ZBTB7C: variants seen among roughly 807,000 people sequenced by gnomAD.
The protein encoded by ZBTB7C is zinc finger and BTB domain-containing protein 7C.
A neutral mutation model predicts 25.7 loss-of-function variants in ZBTB7C; 8 were observed. The observed-to-expected ratio is 0.31, with a 90% CI of 0.18 to 0.56. The LOEUF is 0.56. Ranked by LOEUF, ZBTB7C falls within the 20% of genes least tolerant of loss-of-function variation. The pLI, the probability that ZBTB7C is intolerant of heterozygous loss-of-function variation, is 0.91. For missense variants in ZBTB7C, 824 were observed against 855.2 expected (o/e 0.96, Z 0.46); for synonymous variants, 394 against 369.0 (o/e 1.07, Z -0.78).
intron 3 of ZBTB7C, among the ~76,000 whole-genome samples, chr18:48,049,477 G>C (rs931144184): frequency 1.8e-4 from 27 of 152,202 alleles, no homozygotes; most frequent in Non-Finnish European, 2.9e-5. Flanking sequence ...ATGCCAGCAA[G>C]TAGGAACATG....
intron 2 of ZBTB7C, among the ~76,000 whole-genome samples, chr18:48,201,787 C>T (rs16948892): frequency 0.3 from 45,396 of 152,088 alleles, 7,177 homozygotes; most frequent in East Asian, 0.55. Context: ...CTTTCTAATC[C>T]GAGGCGCGCA....
At chr18:48,189,055 T>G (rs1269975322) in intron 2 of ZBTB7C, among the ~76,000 whole-genome samples, 2 of 152,230 alleles carry the variant, frequency 1.3e-5, no homozygotes, top group Non-Finnish European at 2.9e-5. Flanking sequence ...CATTTTTTTG[T>G]CCACCACAAG....
chr18:48,064,821 A>T (rs533172265), intron 3 of ZBTB7C, among the ~76,000 whole-genome samples: 20 of 152,244 alleles, frequency 1.3e-4, no homozygotes, highest in African/African-American at 4.8e-4. Flanking sequence ...GAGGAGTAGG[A>T]TGCAGGCTGA....
At chr18:48,073,501 C>T (rs545167868) in intron 3 of ZBTB7C, among the ~76,000 whole-genome samples, 3 of 152,164 alleles carry the variant, frequency 2.0e-5, no homozygotes, top group Non-Finnish European at 4.4e-5. Flanking sequence ...ACAGAAGAGT[C>T]CCCGGGGCTG....
chr18:48,168,912 CAGA>C (rs1325432463), intron 3 of ZBTB7C, among the ~76,000 whole-genome samples: 7 of 152,290 alleles, frequency 4.6e-5, no homozygotes, highest in Admixed American at 3.3e-4. Flanking sequence ...AGATTAGAAG[CAGA>C]AGATTTATTG....
chr18:48,102,183 T>C (rs1486704648), intron 3 of ZBTB7C, among the ~76,000 whole-genome samples: 1 of 152,348 alleles, frequency 6.6e-6, no homozygotes, highest in East Asian at 1.9e-4. Context: ...GTTACTGTCA[T>C]GTCATCATCA....
At chr18:48,096,860 A>T (rs536675762) in intron 3 of ZBTB7C, among the ~76,000 whole-genome samples, 4 of 152,332 alleles carry the variant, frequency 2.6e-5, no homozygotes, top group African/African-American at 9.6e-5. Flanking sequence ...GTTGGGTCTA[A>T]GTCATTTTCC....
intron 3 of ZBTB7C, among the ~76,000 whole-genome samples, chr18:48,101,840 C>T (rs773921024): frequency 4.6e-5 from 7 of 152,112 alleles, no homozygotes; most frequent in Admixed American, 6.5e-5. Context: ...TGTAAATGTG[C>T]GGACAAGACT....
At chr18:48,291,169 C>G (rs2045218537) in intron 2 of ZBTB7C, among the ~76,000 whole-genome samples, 1 of 152,178 alleles carries the variant, frequency 6.6e-6, no homozygotes, top group South Asian at 2.1e-4. Flanking sequence ...GAGCATCTCA[C>G]TTGTGAGCAG....
At chr18:48,106,254 C>T (rs1317645150) in intron 3 of ZBTB7C, among the ~76,000 whole-genome samples, 4 of 152,060 alleles carry the variant, frequency 2.6e-5, no homozygotes, top group Admixed American at 1.3e-4. Context: ...ATCTCATCTT[C>T]AGCAAGCCCC....
At chr18:48,097,490 G>T (rs1231486359) in intron 3 of ZBTB7C, among the ~76,000 whole-genome samples, 2 of 151,990 alleles carry the variant, frequency 1.3e-5, no homozygotes, top group East Asian at 3.9e-4. Context: ...TCTGCCTCCT[G>T]GGTTCAAGGC....
At chr18:48,192,805 T>G (rs940179531) in intron 2 of ZBTB7C, among the ~76,000 whole-genome samples, 1 of 152,206 alleles carries the variant, frequency 6.6e-6, no homozygotes, top group African/African-American at 2.4e-5. Flanking sequence ...TATTGTGTCA[T>G]CGATTATAAC....
chr18:48,026,777 T>G lies in ZBTB7C; in HGVS notation c.*2483A>C, dbSNP rs562466794. On this transcript the variant is annotated 3_prime_UTR_variant, in exon 5 of 5. Transcript: ENST00000590800. Reference sequence around the variant, plus strand: ...TTTGTTAAGGTGTCTTTGACATTATTTTAAGTTTATGACACCCAACAATTA... The same window carrying G: ...TTTGTTAAGGTGTCTTTGACATTATGTTAAGTTTATGACACCCAACAATTA... 2 of 151,838 alleles carry G rather than the reference T, an allele frequency of 1.3e-5. No homozygotes were observed. Among genetic ancestry groups the G allele is most frequent in the Non-Finnish European group, 2.9e-5 (2 of 67,972 alleles). 9.4% of individuals were successfully genotyped at this position (151,838 alleles called of 1,614,324 possible).
chr18:48,191,623 A>T (rs1347164093), intron 2 of ZBTB7C, among the ~76,000 whole-genome samples: 1 of 152,172 alleles, frequency 6.6e-6, no homozygotes, highest in Non-Finnish European at 1.5e-5. Flanking sequence ...AGCTGACCAC[A>T]TTCCTGGAGA....
At chr18:48,287,214 C>A (rs1228240850) in intron 2 of ZBTB7C, among the ~76,000 whole-genome samples, 2 of 152,126 alleles carry the variant, frequency 1.3e-5, no homozygotes, top group Admixed American at 6.6e-5. Flanking sequence ...TAGATGTTTA[C>A]AAATACTTAG....
At chr18:48,102,233 C>T (rs139509454) in intron 3 of ZBTB7C, among the ~76,000 whole-genome samples, 37 of 152,228 alleles carry the variant, frequency 2.4e-4, no homozygotes, top group African/African-American at 8.2e-4. Flanking sequence ...ACCACACTAG[C>T]CTGGGAGATG....
At chr18:48,304,135 C>A (rs1331359238) in intron 2 of ZBTB7C, among the ~76,000 whole-genome samples, 4 of 152,174 alleles carry the variant, frequency 2.6e-5, no homozygotes, top group African/African-American at 9.7e-5. Flanking sequence ...TACTCCATGG[C>A]CTCTCTATGT....
At chr18:48,072,256 C>A (rs553121955) in intron 3 of ZBTB7C, among the ~76,000 whole-genome samples, 75 of 152,274 alleles carry the variant, frequency 4.9e-4, no homozygotes, top group African/African-American at 1.1e-3. Flanking sequence ...TCAAGTCTGT[C>A]GTCTGTAAAA....
chr18:48,408,921 C>T (rs1313901038), intron 1 of ZBTB7C, among the ~76,000 whole-genome samples: 22 of 149,478 alleles, frequency 1.5e-4, no homozygotes, highest in African/African-American at 4.6e-4. Flanking sequence ...TCCCCTCCCT[C>T]CTTCCCTCCC....
Sources: gnomAD v4.1 joint callset for allele counts (sites outside exome capture counted in the v4.1 genomes callset) on GRCh38, gnomAD v4.1.1 for gene constraint, MANE v1.5 for transcripts, NCBI Gene and HGNC (gene_info 2026-07-23, HGNC 2026-07-21) for gene names.